Variants in KMT2C observed in about 807,000 individuals in gnomAD.
The protein encoded by KMT2C is histone-lysine N-methyltransferase 2C.
KMT2C carries 88 observed loss-of-function variants against 507.9 expected under a neutral mutation model. That is an observed-to-expected ratio of 0.17 (90% CI 0.15 to 0.21). KMT2C has a LOEUF of 0.21. KMT2C is among the 10% of genes least tolerant of loss of function. KMT2C has a pLI of 1.00. For missense variants in KMT2C, 4,954 were observed against 5,957.8 expected, an observed-to-expected ratio of 0.83 and a Z score of 5.55; for synonymous variants, 2,049 against 2,080.8, an observed-to-expected ratio of 0.98 and a Z score of 0.42.
intron 6 of KMT2C, among the ~76,000 whole-genome samples, chr7:152,295,854 C>T (rs1388377497): frequency 6.6e-6 from 1 of 151,196 alleles, no homozygotes; most frequent in African/African-American, 2.4e-5. Flanking sequence ...ATCACGAGGT[C>T]AGGAGATCGA....
intron 2 of KMT2C, among the ~76,000 whole-genome samples, chr7:152,347,332 T>C (rs1260840103): frequency 6.6e-6 from 1 of 152,182 alleles, no homozygotes; most frequent in African/African-American, 2.4e-5. Flanking sequence ...GGGAGCACTT[T>C]AAGCATCATT....
At position 152,148,504 on chromosome 7, in the gene KMT2C, G is replaced by A. The variant is rs187522384; in HGVS notation, c.13423C>T (p.His4475Tyr). 1.2e-6 allele frequency: 2 copies of A among 1,614,232 alleles called. No homozygotes were observed. The highest frequency in any genetic ancestry group is 1.3e-5 in the African/African-American group (1 of 75,050). Residue 4475 changes from histidine (H) to tyrosine (Y), a missense_variant, in exon 52 of 59, where the codon CAC becomes TAC. Around this residue, in one of 29 missense-constraint regions of KMT2C, gnomAD observed 39 missense variants for 101.8 expected, o/e 0.38. Transcript: ENST00000262189. This position sits in a 1 kb window ranked among gnomAD's most constrained non-coding sequence, Gnocchi z 7.1. Reference sequence around the variant, plus strand: ...TAAATGTTGGTGCATCGAAATCTGTGGCATCCACTAGTGGCACCCGTCTTG... The same window carrying A: ...TAAATGTTGGTGCATCGAAATCTGTAGCATCCACTAGTGGCACCCGTCTTG... ...CHKTGATSGCHRFRCTNIYHF... is the reference protein window; with the variant it reads ...CHKTGATSGCYRFRCTNIYHF...
At chr7:152,170,739 A>G (rs557845706) in intron 40 of KMT2C, among the ~76,000 whole-genome samples, 15 of 152,082 alleles carry the variant, frequency 9.9e-5, no homozygotes, top group Non-Finnish European at 1.5e-4. Flanking sequence ...CTGACTTCAT[A>G]ATTTGCCCAT....
At position 152,194,222 on chromosome 7, in the gene KMT2C, C is replaced by T. The variant is rs746088253; in HGVS notation, c.4540+7G>A. The stretch of plus-strand genomic sequence containing the variant: ...TTTCATTAACTAGAAAATCAAAACA[C>T]ATTTACCTGGAATTTTATATAATTT... On this transcript the variant is annotated splice_region_variant and intron_variant, in intron 30 of 58. Coordinates refer to ENST00000262189, the MANE Select transcript of KMT2C (RefSeq NM_170606.3). The T allele has an allele frequency of 2.0e-6, 3 of 1,535,116 alleles. No homozygotes were observed. Among genetic ancestry groups the T allele is most frequent in the African/African-American group, 2.8e-5 (2 of 71,118 alleles).
At chr7:152,317,336 G>A (rs1589146136) in intron 3 of KMT2C, among the ~76,000 whole-genome samples, 1 of 152,088 alleles carries the variant, frequency 6.6e-6, no homozygotes, top group South Asian at 2.1e-4. Context: ...TTAATACGAG[G>A]TCAAGGGAAA....
chr7:152,268,953 A>C (rs2129175443), intron 7 of KMT2C, among the ~76,000 whole-genome samples: 1 of 152,332 alleles, frequency 6.6e-6, no homozygotes, highest in South Asian at 2.1e-4. Context: ...AAATCTTAAC[A>C]GGAGAAAAAG....
intron 44 of KMT2C, chr7:152,157,900 TC>T: frequency 7.5e-7 from 1 of 1,337,870 alleles, no homozygotes; most frequent in Non-Finnish European, 9.9e-7. Flanking sequence ...AATGATTGGT[TC>T]CATTAGAGGG....
intron 23 of KMT2C, among the ~76,000 whole-genome samples, chr7:152,214,696 G>C (rs923584540): frequency 1.8e-4 from 28 of 152,054 alleles, no homozygotes; most frequent in Non-Finnish European, 4.0e-4. Flanking sequence ...AAGTAAGCCA[G>C]ACACAGAAAA....
intron 6 of KMT2C, among the ~76,000 whole-genome samples, chr7:152,295,613 A>G (rs114663439): frequency 2.2e-4 from 33 of 152,312 alleles, no homozygotes; most frequent in African/African-American, 7.7e-4. Flanking sequence ...TTGCCTATAA[A>G]ATATCCATTC....
chr7:152,171,333 A>G lies in KMT2C; in HGVS notation c.9384T>C (p.Phe3128=). The G allele has an allele frequency of 6.2e-7, 1 of 1,603,106 alleles. No homozygotes were observed. The change falls in exon 40 of 59, where the codon TTT becomes TTC. Residue 3128 remains phenylalanine, a synonymous_variant. Transcript: ENST00000262189. ...MPPMVMSRFP[F]MGQVVTGTQN... ...GTGTTCCAGTTACCACCTGGCCCATAAAAGGGAACCTGTCAAAACAGGGTA... is the reference window on the plus strand; with the variant it reads ...GTGTTCCAGTTACCACCTGGCCCATGAAAGGGAACCTGTCAAAACAGGGTA...
chr7:152,155,825 TA>T, intron 46 of KMT2C, 84 bp downstream of exon 46: 1 of 1,323,306 alleles, frequency 7.6e-7, no homozygotes, highest in East Asian at 2.5e-5. Flanking sequence ...ATGCTATTCC[TA>T]AAGACATTAT....
At chr7:152,320,312 G>A (rs903297640) in intron 3 of KMT2C, among the ~76,000 whole-genome samples, 10 of 152,086 alleles carry the variant, frequency 6.6e-5, no homozygotes, top group East Asian at 1.9e-4. Flanking sequence ...GCAATGGTAC[G>A]GTCTTGGCTC....
At chr7:152,145,093 G>A in intron 54 of KMT2C, 60 bp downstream of exon 54, 6 of 1,569,964 alleles carry the variant, frequency 3.8e-6, no homozygotes, top group Non-Finnish European at 2.6e-6. Flanking sequence ...ATCAAGCACA[G>A]GAAACCACTA....
At chr7:152,189,834 C>T (rs2093736331) in intron 31 of KMT2C, among the ~76,000 whole-genome samples, 1 of 152,134 alleles carries the variant, frequency 6.6e-6, no homozygotes, top group Admixed American at 6.6e-5. Context: ...ACTAGAATGC[C>T]ACATCTATTT....
Position 152,366,899 on chromosome 7 carries a change from G to A in KMT2C, c.162-8224C>T, listed in dbSNP as rs966658750. 1.4e-5 allele frequency: 6 copies of A among 422,340 alleles called. No homozygotes were observed. In the East Asian group the frequency reaches 2.2e-4, roughly 16 times the overall value. The allele number at this position is 422,340 out of a possible 1,614,324, so 26.2% of individuals were successfully genotyped here. A position where few individuals can be genotyped will look rare whatever the true frequency, so the allele number is the denominator to read the frequency against. On this transcript the variant is annotated intron_variant, in intron 1 of 58. Coordinates refer to ENST00000262189, the MANE Select transcript of KMT2C (RefSeq NM_170606.3). ...GCAGCAAGGGCCAGACGCGGCGCGA[G>A]CTGGCGCTGCGAGCCAACGGGCCGG... is the stretch of plus-strand genomic sequence containing the variant.
At chr7:152,248,645 T>A (rs769544783) in intron 13 of KMT2C, 25 bp from the exon 14 acceptor site, 1 of 1,489,532 alleles carries the variant, frequency 6.7e-7, no homozygotes, top group Admixed American at 1.8e-5. Context: ...ACATTTGTTA[T>A]GGCAATGTAC....
chr7:152,177,610 G>T lies in KMT2C; in HGVS notation c.7843C>A (p.Leu2615Ile), dbSNP rs2129115085. The change falls in exon 38 of 59, where the codon CTA becomes ATA. Residue 2615 changes from leucine to isoleucine, a missense_variant. This residue lies in a region of KMT2C where 1,689 missense variants were observed against 1,654.3 expected (regional missense o/e 1.02). Coordinates refer to ENST00000262189, the MANE Select transcript of KMT2C (RefSeq NM_170606.3). Reference sequence around the variant, plus strand: ...GGGTGCACAGGTAGCTGATTAGGTAGACCCTGGGGAGGTCGTCGCATGGGG... The same window carrying T: ...GGGTGCACAGGTAGCTGATTAGGTATACCCTGGGGAGGTCGTCGCATGGGG... Reference protein sequence around the residue: ...TDPMRRPPQGLPNQLPVHPDL... With the variant: ...TDPMRRPPQGIPNQLPVHPDL... 1.2e-6 allele frequency: 2 copies of T among 1,614,140 alleles called. No homozygotes were observed. Among genetic ancestry groups the T allele is most frequent in the East Asian group, 2.2e-5 (1 of 44,876 alleles).
chr7:152,351,798 G>A (rs573366345), intron 2 of KMT2C, among the ~76,000 whole-genome samples: 4 of 151,820 alleles, frequency 2.6e-5, no homozygotes, highest in Non-Finnish European at 5.9e-5. Flanking sequence ...GATTTCCTAT[G>A]CCTGTCTTTA....
intron 1 of KMT2C, among the ~76,000 whole-genome samples, chr7:152,399,083 C>T (rs1247774475): frequency 6.6e-6 from 1 of 152,158 alleles, no homozygotes; most frequent in East Asian, 1.9e-4. Context: ...CCCACCTTGG[C>T]TTCTCAAAGT....
Sources: gnomAD v4.1 joint callset for allele counts (sites outside exome capture counted in the v4.1 genomes callset) on GRCh38, gnomAD v4.1.1 for gene constraint, gnomAD v4.1.1 regional missense constraint, Gnocchi (gnomAD v3.1) non-coding constraint, MANE v1.5 for transcripts, NCBI Gene and HGNC (gene_info 2026-07-23, HGNC 2026-07-21) for gene names.